MTA3: variants seen among roughly 807,000 people sequenced by gnomAD.
MTA3 encodes metastasis associated 1 family member 3, also known as metastasis-associated protein MTA3.
A neutral mutation model predicts 83.5 loss-of-function variants in MTA3; 34 were observed. The ratio of observed to expected loss-of-function variants is 0.41; its 90% CI spans 0.31 to 0.54. MTA3 has a LOEUF of 0.54. Among genes scored for constraint, MTA3 ranks in the 20% least tolerant of loss-of-function variants. The probability of loss-of-function intolerance (pLI) is 0.33; values close to 1 mark genes in which losing one functional copy is unlikely to be tolerated. For missense variants in MTA3, 761 were observed against 726.4 expected, an observed-to-expected ratio of 1.05 and a Z score of -0.55; for synonymous variants, 303 against 252.7, an observed-to-expected ratio of 1.20 and a Z score of -1.89.
At chr2:42,523,788 C>T (rs192814972) in intron 2 of MTA3, among the ~76,000 whole-genome samples, 82 of 152,166 alleles carry the variant, frequency 5.4e-4, no homozygotes, top group Non-Finnish European at 9.9e-4. Flanking sequence ...TGTGGTGGTG[C>T]ATGCCTGTAG....
chr2:42,628,828 A>G (rs1686390685), intron 4 of MTA3, among the ~76,000 whole-genome samples: 1 of 150,422 alleles, frequency 6.6e-6, no homozygotes, highest in Admixed American at 6.7e-5. Context: ...GTTTGAAGGG[A>G]AATTTTTCCT....
At chr2:42,575,813 C>A (rs1678976074) in intron 2 of MTA3, among the ~76,000 whole-genome samples, 1 of 152,146 alleles carries the variant, frequency 6.6e-6, no homozygotes, top group Non-Finnish European at 1.5e-5. Context: ...TAGCTTATTT[C>A]ACACTCCTTT....
chr2:42,638,354 C>T (rs913631115), intron 4 of MTA3, among the ~76,000 whole-genome samples: 3 of 151,904 alleles, frequency 2.0e-5, no homozygotes, highest in Non-Finnish European at 4.4e-5. Flanking sequence ...AGTTGCAATT[C>T]TGTCCGTTAT....
intron 8 of MTA3, among the ~76,000 whole-genome samples, chr2:42,681,552 A>T (rs1323296621): frequency 1.3e-5 from 2 of 152,068 alleles, no homozygotes; most frequent in Admixed American, 1.3e-4. Flanking sequence ...TCACTCTGTT[A>T]TCCAGGCTGG....
At chr2:42,552,499 A>G (rs902360086) in intron 2 of MTA3, among the ~76,000 whole-genome samples, 2 of 152,046 alleles carry the variant, frequency 1.3e-5, no homozygotes, top group Non-Finnish European at 2.9e-5. Flanking sequence ...AAAGCCTGTA[A>G]GTAATCCCAA....
intron 6 of MTA3, among the ~76,000 whole-genome samples, chr2:42,650,054 G>C (rs781065273): frequency 1.3e-5 from 2 of 152,156 alleles, no homozygotes; most frequent in Non-Finnish European, 2.9e-5. Context: ...CCTTCAATTG[G>C]TAGTTTTGCA....
chr2:42,665,088 G>T (rs1435027004), intron 8 of MTA3, among the ~76,000 whole-genome samples: 1 of 152,176 alleles, frequency 6.6e-6, no homozygotes, highest in Non-Finnish European at 1.5e-5. Flanking sequence ...TATAAGATCT[G>T]TTTTATACAA....
intron 4 of MTA3, among the ~76,000 whole-genome samples, chr2:42,610,633 T>C (rs542159139): frequency 6.6e-6 from 1 of 152,328 alleles, no homozygotes; most frequent in East Asian, 1.9e-4. Flanking sequence ...TTTTTTTCAT[T>C]GTAGTGTATA....
intron 2 of MTA3, among the ~76,000 whole-genome samples, chr2:42,506,198 T>G (rs1674620003): frequency 6.6e-6 from 1 of 152,126 alleles, no homozygotes; most frequent in Admixed American, 6.6e-5. Flanking sequence ...TAATCCCAGA[T>G]CTTTGGGAGG....
At chr2:42,569,214 T>TGGGGGCCCAGCC (rs1678180556) in intron 1 of MTA3, among the ~76,000 whole-genome samples, 2 of 51,282 alleles carry the variant, frequency 3.9e-5, no homozygotes, top group Admixed American at 4.3e-4. Context: ...GTGGGGGCGG[T>TGGGGGCCCAGCC]GGGGGCCCAG....
chr2:42,738,916 C>G (rs183515376), intron 16 of MTA3, among the ~76,000 whole-genome samples: 7 of 152,032 alleles, frequency 4.6e-5, no homozygotes, highest in African/African-American at 1.7e-4. Context: ...TTGGTCAGAC[C>G]GGTTGATCTC....
chr2:42,607,562 T>C (rs986515701), intron 3 of MTA3, among the ~76,000 whole-genome samples: 12 of 152,114 alleles, frequency 7.9e-5, no homozygotes, highest in African/African-American at 2.9e-4. Context: ...ATGTTTGGTC[T>C]TGAACTCCTG....
intron 2 of MTA3, among the ~76,000 whole-genome samples, chr2:42,504,886 A>G (rs1419814561): frequency 6.6e-6 from 1 of 152,064 alleles, no homozygotes; most frequent in African/African-American, 2.4e-5. Flanking sequence ...AACAGGTGCC[A>G]TTATAGGAAC....
chr2:42,515,790 G>GAC (rs1558407951), intron 2 of MTA3, among the ~76,000 whole-genome samples: 16 of 150,290 alleles, frequency 1.1e-4, no homozygotes, highest in Non-Finnish European at 2.4e-4. Context: ...GTGAACCACC[G>GAC]TGCCCAGTCG....
At chr2:42,510,268 G>T (rs1297116049) in intron 2 of MTA3, among the ~76,000 whole-genome samples, 3 of 149,706 alleles carry the variant, frequency 2.0e-5, no homozygotes, top group Non-Finnish European at 4.4e-5. Flanking sequence ...GGAGGTTGCA[G>T]TGAGCTGAGA....
At chr2:42,500,625 G>A (rs1436131920) in intron 2 of MTA3, among the ~76,000 whole-genome samples, 2 of 151,816 alleles carry the variant, frequency 1.3e-5, no homozygotes, top group East Asian at 1.9e-4. Context: ...TGTAAGGGAG[G>A]GGAAAAATTT....
intron 8 of MTA3, among the ~76,000 whole-genome samples, chr2:42,667,604 G>GTGTGTGTGTGTA (rs1484832265): frequency 7.6e-6 from 1 of 131,578 alleles, no homozygotes; most frequent in African/African-American, 3.0e-5. Context: ...GTGTGTGTGT[G>GTGTGTGTGTGTA]TGTGTATAGA....
At chr2:42,505,156 G>T (rs941590992) in intron 2 of MTA3, among the ~76,000 whole-genome samples, 6 of 152,152 alleles carry the variant, frequency 3.9e-5, no homozygotes, top group Non-Finnish European at 7.3e-5. Flanking sequence ...CACTTTGGGA[G>T]GCTGAGGTGG....
intron 16 of MTA3, among the ~76,000 whole-genome samples, chr2:42,729,755 GA>G (rs1668119092): frequency 6.6e-6 from 1 of 152,152 alleles, no homozygotes; most frequent in Admixed American, 6.6e-5. Context: ...CTTTTGTTCA[GA>G]ATAGCTTTGG....
Sources: gnomAD v4.1 joint callset for allele counts (sites outside exome capture counted in the v4.1 genomes callset) on GRCh38, gnomAD v4.1.1 for gene constraint, MANE v1.5 for transcripts, NCBI Gene and HGNC (gene_info 2026-07-23, HGNC 2026-07-21) for gene names.